NRG1: variants seen among roughly 807,000 people sequenced by gnomAD.
The protein encoded by NRG1 is neuregulin 1, also known as pro-neuregulin-1, membrane-bound isoform.
Under a neutral mutation model 63.8 loss-of-function variants are expected in NRG1, and 18 were observed. That is an observed-to-expected ratio of 0.28 (90% CI 0.19 to 0.42). The LOEUF is 0.42. Ranked by LOEUF, NRG1 falls within the 10% of genes least tolerant of loss-of-function variation. The probability of loss-of-function intolerance (pLI) is 1.00; values close to 1 mark genes in which losing one functional copy is unlikely to be tolerated. For missense variants in NRG1, 762 were observed against 814.7 expected, an observed-to-expected ratio of 0.94 and a Z score of 0.79; for synonymous variants, 302 against 301.3, an observed-to-expected ratio of 1.00 and a Z score of -0.02.
intron 1 of NRG1, among the ~76,000 whole-genome samples, chr8:31,888,107 A>G: frequency 6.6e-6 from 1 of 152,038 alleles, no homozygotes; most frequent in South Asian, 2.1e-4. Flanking sequence ...GATATATTAC[A>G]TATCAATATA....
At chr8:31,665,218 A>T (rs926204062) in intron 1 of NRG1, among the ~76,000 whole-genome samples, 2 of 152,182 alleles carry the variant, frequency 1.3e-5, no homozygotes, top group African/African-American at 4.8e-5. Flanking sequence ...CTCAGAAAGT[A>T]TAAATATATG....
intron 5 of NRG1, among the ~76,000 whole-genome samples, chr8:32,664,776 G>A (rs1338500131): frequency 6.6e-6 from 1 of 152,096 alleles, no homozygotes; most frequent in South Asian, 2.1e-4. Context: ...GGAAGGAAAC[G>A]ATTCCATGCA....
intron 6 of NRG1, among the ~76,000 whole-genome samples, chr8:32,728,867 C>T (rs1387672313): frequency 1.3e-5 from 2 of 152,048 alleles, no homozygotes; most frequent in Non-Finnish European, 2.9e-5. Context: ...AGATTGAGAC[C>T]ATCCTGGCTA....
intron 1 of NRG1, among the ~76,000 whole-genome samples, chr8:31,826,018 C>T (rs907820081): frequency 6.6e-6 from 1 of 152,128 alleles, no homozygotes; most frequent in Non-Finnish European, 1.5e-5. Flanking sequence ...GAAAAGTTCA[C>T]CTCCTTCATG....
intron 1 of NRG1, among the ~76,000 whole-genome samples, chr8:32,120,291 TA>T (rs920347397): frequency 6.6e-6 from 1 of 152,064 alleles, no homozygotes; most frequent in Non-Finnish European, 1.5e-5. Flanking sequence ...ATAATACTAG[TA>T]AAATGAAAGA....
Position 32,601,525 on chromosome 8 carries a change from GT to G in NRG1, c.279-4033del, listed in dbSNP as rs1844361311. On this transcript the variant is annotated intron_variant, in intron 2 of 11. Coordinates refer to ENST00000356819, the Ensembl canonical transcript of NRG1. ...TGTTTCCTTTTTCCTGTAAGACTTA[GT>G]TTTCCTGTAAGACTTAGCAATCCCA... 2.6e-5 allele frequency among the ~76,000 whole-genome samples: 4 copies of G among 152,012 alleles called. No homozygotes were observed. The South Asian group carries it at 8.3e-4, about 31-fold the overall frequency.
chr8:32,247,460 C>G (rs918526545), intron 1 of NRG1, among the ~76,000 whole-genome samples: 1 of 152,096 alleles, frequency 6.6e-6, no homozygotes, highest in Admixed American at 6.6e-5. Context: ...TAATTCTTTT[C>G]AGCAACTTTC....
chr8:31,834,059 A>G (rs1825430683), intron 1 of NRG1, among the ~76,000 whole-genome samples: 3 of 152,144 alleles, frequency 2.0e-5, no homozygotes, highest in Non-Finnish European at 4.4e-5. Flanking sequence ...CCTGTTCTTA[A>G]TAAATGCCAT....
At chr8:32,529,809 C>T (rs1348546297) in intron 1 of NRG1, among the ~76,000 whole-genome samples, 1 of 152,164 alleles carries the variant, frequency 6.6e-6, no homozygotes, top group African/African-American at 2.4e-5. Flanking sequence ...ACAATACTTT[C>T]TTCTGGATAC....
At chr8:31,923,517 T>G (rs1347589266) in intron 1 of NRG1, among the ~76,000 whole-genome samples, 8 of 152,188 alleles carry the variant, frequency 5.3e-5, no homozygotes, top group African/African-American at 1.9e-4. Flanking sequence ...GAAGAGATTG[T>G]GTATGATTGC....
intron 1 of NRG1, among the ~76,000 whole-genome samples, chr8:32,040,481 T>A (rs1819762495): frequency 6.6e-6 from 1 of 151,882 alleles, no homozygotes; most frequent in Non-Finnish European, 1.5e-5. Flanking sequence ...ATGCCTGCTG[T>A]TTTTCTTGCT....
At chr8:32,012,881 T>A (rs1401456401) in intron 1 of NRG1, among the ~76,000 whole-genome samples, 1 of 152,104 alleles carries the variant, frequency 6.6e-6, no homozygotes, top group Non-Finnish European at 1.5e-5. Context: ...GATAACTGTT[T>A]TTTTTACGCA....
intron 1 of NRG1, among the ~76,000 whole-genome samples, chr8:31,821,163 AC>A (rs775642588): frequency 2.6e-5 from 4 of 152,248 alleles, no homozygotes; most frequent in Non-Finnish European, 5.9e-5. Flanking sequence ...CATGTTCAAT[AC>A]AGATGCAATG....
chr8:32,603,858 A>G (rs1425142403), intron 2 of NRG1, among the ~76,000 whole-genome samples: 1 of 152,132 alleles, frequency 6.6e-6, no homozygotes, highest in Non-Finnish European at 1.5e-5. Context: ...TTGCCCTCTC[A>G]TTATGGCATT....
intron 5 of NRG1, among the ~76,000 whole-genome samples, chr8:32,723,851 T>G (rs1821364183): frequency 6.7e-6 from 1 of 148,796 alleles, no homozygotes; most frequent in African/African-American, 2.5e-5. Flanking sequence ...AAGGAGGGAG[T>G]CCTTTTGTGT....
intron 1 of NRG1, among the ~76,000 whole-genome samples, chr8:32,340,825 C>G (rs1803983332): frequency 6.6e-6 from 1 of 152,134 alleles, no homozygotes; most frequent in African/African-American, 2.4e-5. Flanking sequence ...GCCAATGGGC[C>G]AAATCTTACA....
intron 1 of NRG1, among the ~76,000 whole-genome samples, chr8:31,679,363 C>T (rs1342675954): frequency 6.6e-6 from 1 of 151,974 alleles, no homozygotes; most frequent in Admixed American, 6.6e-5. Flanking sequence ...TTTGTTCTTT[C>T]TTAATAGAAA....
chr8:32,041,834 C>T (rs1820112401), intron 1 of NRG1, among the ~76,000 whole-genome samples: 1 of 152,156 alleles, frequency 6.6e-6, no homozygotes. Context: ...AGAAGGAAAA[C>T]CTCAGGAGAC....
At chr8:32,545,450 T>C (rs948228117), upstream of NRG1, among the ~76,000 whole-genome samples, 10 of 151,516 alleles carry the variant, frequency 6.6e-5, no homozygotes, top group Non-Finnish European at 1.2e-4. Context: ...TTAAGATATG[T>C]CATCATTTCT....
Sources: gnomAD v4.1 joint callset for allele counts (sites outside exome capture counted in the v4.1 genomes callset) on GRCh38, gnomAD v4.1.1 for gene constraint, MANE v1.5 for transcripts, NCBI Gene and HGNC (gene_info 2026-07-23, HGNC 2026-07-21) for gene names.